The following GIN1 variants were observed in gnomAD, a reference collection of about 807,000 sequenced individuals.
GIN1 encodes gypsy retrotransposon integrase 1.
A neutral mutation model predicts 51.4 loss-of-function variants in GIN1; 41 were observed. That is an observed-to-expected ratio of 0.80 (90% CI 0.62 to 1.04). GIN1 has a LOEUF of 1.04. GIN1 is among the 50% of genes least tolerant of loss of function. GIN1 has a pLI of 0.00. For synonymous variants in GIN1, 222 were observed against 206.5 expected (o/e 1.07, Z -0.64); for missense variants, 610 against 612.4 (o/e 1.00, Z 0.04).
At chr5:103,108,215 C>T (rs889007119) in intron 2 of GIN1, among the ~76,000 whole-genome samples, 5 of 152,030 alleles carry the variant, frequency 3.3e-5, no homozygotes, top group African/African-American at 1.2e-4. Context: ...ACTTTGTCAA[C>T]ATTTTCATAT....
intron 2 of GIN1, among the ~76,000 whole-genome samples, chr5:103,107,975 C>T (rs1554196523): frequency 6.6e-6 from 1 of 151,974 alleles, no homozygotes; most frequent in African/African-American, 2.4e-5. Flanking sequence ...TATCTCATCC[C>T]AAACTTCTCT....
intron 2 of GIN1, 93 bp from the exon 3 acceptor site, chr5:103,107,002 TTTTTG>T (rs879995751): frequency 1.9e-5 from 13 of 669,116 alleles, no homozygotes; most frequent in African/African-American, 1.7e-4. Context: ...ACCATGAAGG[TTTTTG>T]TTTTGTTTTG....
intron 6 of GIN1, 82 bp downstream of exon 6, chr5:103,097,232 C>T (rs1208364579): frequency 2.5e-6 from 2 of 799,304 alleles, no homozygotes; most frequent in African/African-American, 1.8e-5. Flanking sequence ...TGTGCATGCA[C>T]ACATGTATAT....
chr5:103,094,145 A>G (rs1358656435), intron 7 of GIN1, among the ~76,000 whole-genome samples: 1 of 152,204 alleles, frequency 6.6e-6, no homozygotes, highest in African/African-American at 2.4e-5. Context: ...GCTTTAATTC[A>G]GCTCAAGGAC....
Position 103,087,422 on chromosome 5 carries a change from A to G in GIN1, c.*476T>C, listed in dbSNP as rs916755264. On this transcript the variant is annotated 3_prime_UTR_variant, in exon 8 of 8. Coordinates refer to ENST00000399004, the MANE Select transcript of GIN1 (RefSeq NM_017676.2). Reference sequence around the variant, plus strand: ...CTGTGAAAGCCTATTAAATAACCCTATATTTTTTCATACAATCTTGTTTTT... The same window carrying G: ...CTGTGAAAGCCTATTAAATAACCCTGTATTTTTTCATACAATCTTGTTTTT... 1.3e-5 allele frequency: 2 copies of G among 152,320 alleles called. No homozygotes were observed. The highest frequency in any genetic ancestry group is 2.9e-5 in the Non-Finnish European group (2 of 68,120). The allele number at this position is 152,320 out of a possible 1,614,324, so 9.4% of individuals were successfully genotyped here.
At chr5:103,113,119 C>A (rs1249551786) in intron 1 of GIN1, among the ~76,000 whole-genome samples, 7 of 152,010 alleles carry the variant, frequency 4.6e-5, no homozygotes, top group Non-Finnish European at 8.8e-5. Flanking sequence ...TCTGACCTTG[C>A]CTCCTCTGTC....
Position 103,087,567 on chromosome 5 carries a change from A to G in GIN1, c.*331T>C, listed in dbSNP as rs930019013. 1 of 166,456 alleles carries G rather than the reference A, an allele frequency of 6.0e-6. No homozygotes were observed. Among genetic ancestry groups the G allele is most frequent in the African/African-American group, 2.4e-5 (1 of 42,106 alleles). 10.3% of individuals were successfully genotyped at this position (166,456 alleles called of 1,614,324 possible). ...TGTTTAAATGGTAGAGAATTTCAGA[A>G]AATTTAAAACTTAGAAACGGTGCCA... On this transcript the variant is annotated 3_prime_UTR_variant, in exon 8 of 8. Coordinates refer to ENST00000399004, the MANE Select transcript of GIN1 (RefSeq NM_017676.2).
chr5:103,087,157 G>A lies in GIN1; in HGVS notation c.*741C>T, dbSNP rs1166154054. 1 of 152,174 alleles carries A rather than the reference G, an allele frequency of 6.6e-6. No homozygotes were observed. Among genetic ancestry groups the A allele is most frequent in the Admixed American group, 6.5e-5 (1 of 15,270 alleles). The allele number at this position is 152,174 out of a possible 1,614,324, so 9.4% of individuals were successfully genotyped here. ...CTGGCTAATTTTTAAACATTTTTCT[G>A]TAGAGATAGGGTCTCCCTGTGTTGC... is the stretch of plus-strand genomic sequence containing the variant. On this transcript the variant is annotated 3_prime_UTR_variant, in exon 8 of 8. Coordinates refer to ENST00000399004, the MANE Select transcript of GIN1 (RefSeq NM_017676.2).
At chr5:103,094,935 C>T (rs1156806701) in intron 7 of GIN1, among the ~76,000 whole-genome samples, 3 of 152,110 alleles carry the variant, frequency 2.0e-5, no homozygotes, top group South Asian at 2.1e-4. Flanking sequence ...CTAAACAACT[C>T]GGTCTGTCAC....
At chr5:103,103,685 G>C (rs1787638837) in intron 4 of GIN1, among the ~76,000 whole-genome samples, 1 of 152,192 alleles carries the variant, frequency 6.6e-6, no homozygotes, top group African/African-American at 2.4e-5. Context: ...AAAGGCCAGA[G>C]CAAGGGAGAA....
chr5:103,119,814 A>C (rs1245912790), intron 1 of GIN1, among the ~76,000 whole-genome samples: 3 of 152,148 alleles, frequency 2.0e-5, no homozygotes, highest in Non-Finnish European at 4.4e-5. Context: ...CCGTTTGGTA[A>C]AACTCAATTA....
chr5:103,091,553 T>C (rs1787237771), intron 7 of GIN1, among the ~76,000 whole-genome samples: 1 of 152,268 alleles, frequency 6.6e-6, no homozygotes, highest in Non-Finnish European at 1.5e-5. Context: ...ATCTGTTTGA[T>C]GAAAGCATCA....
chr5:103,097,440 A>C lies in GIN1; in HGVS notation c.882T>G (p.Tyr294Ter), dbSNP rs551096117. The C allele has an allele frequency of 1.3e-6, 2 of 1,582,076 alleles. No individual in the cohort carries two copies. The highest frequency in any genetic ancestry group is 3.4e-5 in the Admixed American group (2 of 59,340). The change falls in exon 6 of 8, where the codon TAT becomes TAG. Residue 294 changes from tyrosine to a stop codon, truncating the protein, a stop_gained. Transcript: ENST00000399004. LOFTEE classifies it high-confidence loss of function. ...PYFQMFSRNPYMPETSDSLHE... is the reference protein window; with the variant it reads ...PYFQMFSRNP ...GAAGACTATCTGAAGTCTCAGGCAT[A>C]TAAGGATTTCGACTAAACATTTGAA...
intron 1 of GIN1, 149 bp from the exon 2 acceptor site, chr5:103,108,863 G>A (rs1337219211): frequency 3.4e-6 from 2 of 593,066 alleles, no homozygotes; most frequent in Non-Finnish European, 5.8e-6. Context: ...TACAGGAAAG[G>A]AACAGCGATG....
chr5:103,096,167 C>T (rs1168108342), intron 7 of GIN1, among the ~76,000 whole-genome samples: 1 of 151,876 alleles, frequency 6.6e-6, no homozygotes, highest in African/African-American at 2.4e-5. Context: ...CATGGTGAAA[C>T]CCCGTTTCTA....
intron 4 of GIN1, among the ~76,000 whole-genome samples, chr5:103,098,967 A>G (rs1554195463): frequency 6.6e-6 from 1 of 152,148 alleles, no homozygotes; most frequent in South Asian, 2.1e-4. Flanking sequence ...TAAATATAAA[A>G]TAATATTTTT....
intron 4 of GIN1, among the ~76,000 whole-genome samples, chr5:103,100,546 C>G (rs1454469483): frequency 1.3e-4 from 19 of 151,882 alleles, no homozygotes; most frequent in African/African-American, 4.6e-4. Flanking sequence ...TGTGCAACAC[C>G]ACGTCCAGTT....
intron 4 of GIN1, among the ~76,000 whole-genome samples, chr5:103,101,404 AAT>A (rs1409088353): frequency 2.6e-5 from 4 of 152,228 alleles, no homozygotes; most frequent in Non-Finnish European, 5.9e-5. Context: ...TTTTGTATTT[AAT>A]ATGTTTGGAC....
chr5:103,090,054 C>T (rs1554194360), intron 7 of GIN1, among the ~76,000 whole-genome samples: 1 of 152,202 alleles, frequency 6.6e-6, no homozygotes, highest in African/African-American at 2.4e-5. Flanking sequence ...TTTGGGAAAC[C>T]AATGCGGGCA....
Sources: gnomAD v4.1 joint callset for allele counts (sites outside exome capture counted in the v4.1 genomes callset) on GRCh38, gnomAD v4.1.1 for gene constraint, MANE v1.5 for transcripts, NCBI Gene and HGNC (gene_info 2026-07-23, HGNC 2026-07-21) for gene names.